EXOC6B: variants seen among roughly 807,000 people sequenced by gnomAD.
EXOC6B encodes the protein exocyst complex component 6B.
In EXOC6B, 54 loss-of-function variants were observed where a neutral mutation model predicts 113.5. The ratio of observed to expected loss-of-function variants is 0.48; its 90% CI spans 0.38 to 0.60. EXOC6B has a LOEUF of 0.60. Ranked by LOEUF, EXOC6B falls within the 20% of genes least tolerant of loss-of-function variation. The pLI, the probability that EXOC6B is intolerant of heterozygous loss-of-function variation, is 0.00. For synonymous variants in EXOC6B, 357 were observed against 339.0 expected (o/e 1.05, Z -0.58); for missense variants, 797 against 977.5 (o/e 0.82, Z 2.46).
chr2:72,730,597 C>G (rs1016078853), intron 5 of EXOC6B, among the ~76,000 whole-genome samples: 1 of 151,320 alleles, frequency 6.6e-6, no homozygotes. Context: ...CACACACACA[C>G]ACACACACAC....
At chr2:72,721,054 C>T (rs1422678803) in intron 5 of EXOC6B, among the ~76,000 whole-genome samples, 1 of 151,874 alleles carries the variant, frequency 6.6e-6, no homozygotes, top group African/African-American at 2.4e-5. Context: ...ATAGGCCAGG[C>T]GTGGTGGCTC....
intron 1 of EXOC6B, among the ~76,000 whole-genome samples, chr2:72,747,561 T>C (rs540394534): frequency 6.6e-6 from 1 of 152,008 alleles, no homozygotes; most frequent in East Asian, 1.9e-4. Context: ...CTTAATAAAT[T>C]TCCCATTGTT....
chr2:72,823,459 G>GAAAAAAAAAAAAAAAAAAAAAAAAAA (rs1237385156), intron 1 of EXOC6B, among the ~76,000 whole-genome samples: 1 of 70,030 alleles, frequency 1.4e-5, no homozygotes, highest in Admixed American at 1.9e-4. Context: ...AAAGTTTTAA[G>GAAAAAAAAAAAAAAAAAAAAAAAAAA]AAAAAAAAAA....
intron 6 of EXOC6B, among the ~76,000 whole-genome samples, chr2:72,663,683 G>A (rs939626303): frequency 6.6e-6 from 1 of 152,072 alleles, no homozygotes; most frequent in African/African-American, 2.4e-5. Context: ...ATTAGTGGTT[G>A]TCAGGGACTG....
intron 5 of EXOC6B, 63 bp from the exon 6 acceptor site, chr2:72,718,370 A>G (rs900532924): frequency 7.0e-6 from 10 of 1,423,078 alleles, no homozygotes; most frequent in Non-Finnish European, 7.8e-6. Flanking sequence ...CAAAATGTCT[A>G]GCCTGAATTG....
intron 6 of EXOC6B, among the ~76,000 whole-genome samples, chr2:72,665,809 C>G (rs1002124376): frequency 6.6e-6 from 1 of 152,158 alleles, no homozygotes; most frequent in African/African-American, 2.4e-5. Flanking sequence ...AAACAACCAG[C>G]TAATAACACA....
rs1264421878 is a variant in EXOC6B, at chr2:72,463,436, CT to C, written c.1980+1723del. On this transcript the variant is annotated intron_variant, in intron 18 of 21. Coordinates refer to ENST00000272427, the MANE Select transcript of EXOC6B (RefSeq NM_015189.3). ...AATAAAACTGCAGAGAGGACAAAAC[CT>C]TTTAAAGGTGAGGTGAAAATCTGCA... 4 of 152,018 alleles carry C rather than the reference CT, an allele frequency of 2.6e-5. No individual in the cohort carries two copies. The South Asian group carries it at 6.2e-4, about 24-fold the overall frequency. The allele number at this position is 152,018 out of a possible 1,614,324, so 9.4% of individuals were successfully genotyped here.
At chr2:72,448,941 T>C (rs1696748609) in intron 18 of EXOC6B, among the ~76,000 whole-genome samples, 1 of 152,198 alleles carries the variant, frequency 6.6e-6, no homozygotes, top group Admixed American at 6.5e-5. Context: ...AGCACTCTTT[T>C]ATATATTCAC....
At chr2:72,284,858 A>G (rs1040904157) in intron 20 of EXOC6B, among the ~76,000 whole-genome samples, 4 of 152,116 alleles carry the variant, frequency 2.6e-5, no homozygotes, top group African/African-American at 7.2e-5. Flanking sequence ...TTTGCAATTA[A>G]AAGCAAAATG....
intron 7 of EXOC6B, among the ~76,000 whole-genome samples, chr2:72,573,687 T>C (rs1218488564): frequency 1.3e-5 from 2 of 152,240 alleles, no homozygotes; most frequent in Non-Finnish European, 2.9e-5. Flanking sequence ...TTTCAAGCAT[T>C]ATTAACTATT....
chr2:72,392,766 T>C (rs973171040), intron 18 of EXOC6B, among the ~76,000 whole-genome samples: 17 of 152,204 alleles, frequency 1.1e-4, no homozygotes, highest in Admixed American at 9.8e-4. Context: ...CTTGATTTTG[T>C]CAGGCTTGTT....
At chr2:72,530,433 T>C (rs543296053) in intron 8 of EXOC6B, among the ~76,000 whole-genome samples, 1 of 152,308 alleles carries the variant, frequency 6.6e-6, no homozygotes, top group South Asian at 2.1e-4. Context: ...GTGTTACTAA[T>C]TTCTAGTCTG....
At chr2:72,537,071 T>C (rs1702332286) in intron 8 of EXOC6B, among the ~76,000 whole-genome samples, 1 of 152,208 alleles carries the variant, frequency 6.6e-6, no homozygotes, top group Non-Finnish European at 1.5e-5. Flanking sequence ...AGAGAAATGC[T>C]ACTGTGTATG....
chr2:72,309,724 A>G (rs1687080399), intron 20 of EXOC6B, among the ~76,000 whole-genome samples: 1 of 130,136 alleles, frequency 7.7e-6, no homozygotes, highest in African/African-American at 2.6e-5. Context: ...TACATTCATA[A>G]TGTTGTACAA....
chr2:72,297,326 G>GT (rs373995181), intron 20 of EXOC6B, among the ~76,000 whole-genome samples: 14 of 152,084 alleles, frequency 9.2e-5, no homozygotes, highest in African/African-American at 2.7e-4. Flanking sequence ...CTCAATAGTT[G>GT]TTTTTTTCCT....
chr2:72,290,339 A>G (rs1164566650), intron 20 of EXOC6B, among the ~76,000 whole-genome samples: 2 of 152,210 alleles, frequency 1.3e-5, no homozygotes, highest in African/African-American at 4.8e-5. Context: ...ATACACTCAC[A>G]TATTACCTAC....
At chr2:72,597,898 C>G (rs1157634394) in intron 6 of EXOC6B, among the ~76,000 whole-genome samples, 1 of 151,866 alleles carries the variant, frequency 6.6e-6, no homozygotes, top group African/African-American at 2.4e-5. Context: ...CACAACAGTC[C>G]TTAGTGGGTA....
rs1699359846 is a variant in EXOC6B, at chr2:72,485,298, A to G, written c.1666-4548T>C. ...TTAATTCTGGAGTATACACATCTGCATATATTAAAACTGCTTTTAGCATGT... is the reference window on the plus strand; with the variant it reads ...TTAATTCTGGAGTATACACATCTGCGTATATTAAAACTGCTTTTAGCATGT... On this transcript the variant is annotated intron_variant, in intron 16 of 21. Coordinates refer to ENST00000272427, the MANE Select transcript of EXOC6B (RefSeq NM_015189.3). 3.3e-5 allele frequency among the ~76,000 whole-genome samples: 5 copies of G among 152,242 alleles called. No individual in the cohort carries two copies. In the South Asian group the frequency reaches 1.0e-3, roughly 31 times the overall value.
chr2:72,212,013 T>A (rs1220645652), intron 20 of EXOC6B, among the ~76,000 whole-genome samples: 1 of 151,742 alleles, frequency 6.6e-6, no homozygotes, highest in East Asian at 1.9e-4. Context: ...ATCCCTTAAG[T>A]GTGCCGAAGT....
Sources: gnomAD v4.1 joint callset for allele counts (sites outside exome capture counted in the v4.1 genomes callset) on GRCh38, gnomAD v4.1.1 for gene constraint, MANE v1.5 for transcripts, NCBI Gene and HGNC (gene_info 2026-07-23, HGNC 2026-07-21) for gene names.